The following CWC27 variants were observed in gnomAD, a reference collection of about 807,000 sequenced individuals.
The protein encoded by CWC27 is CWC27 spliceosome associated cyclophilin.
In CWC27, 47 loss-of-function variants were observed where a neutral mutation model predicts 63.6. The observed-to-expected ratio is 0.74, with a 90% CI of 0.58 to 0.94. The LOEUF (loss-of-function observed/expected upper bound fraction) is 0.94, where lower values mean the gene tolerates loss of function less well. CWC27 is among the 40% of genes least tolerant of loss of function. CWC27 has a pLI of 0.00. For synonymous variants in CWC27, 175 were observed against 179.8 expected (o/e 0.97, Z 0.22); for missense variants, 495 against 554.3 (o/e 0.89, Z 1.07).
chr5:64,934,498 A>G (rs998497475), intron 11 of CWC27, among the ~76,000 whole-genome samples: 1 of 152,154 alleles, frequency 6.6e-6, no homozygotes, highest in Non-Finnish European at 1.5e-5. Context: ...TATCCAGTCT[A>G]TCATTGATGA....
At chr5:65,001,048 T>G (rs1749723323) in intron 13 of CWC27, among the ~76,000 whole-genome samples, 1 of 151,928 alleles carries the variant, frequency 6.6e-6, no homozygotes, top group Non-Finnish European at 1.5e-5. Flanking sequence ...CTTGGTTAAA[T>G]TTATTCCTAG....
chr5:64,845,079 C>T (rs1331779175), intron 10 of CWC27: 1 of 454,612 alleles, frequency 2.2e-6, no homozygotes, highest in Non-Finnish European at 4.4e-6. Flanking sequence ...TAGCAGAGCC[C>T]AGCCACTGAT....
chr5:64,943,418 T>C (rs1231807057), intron 11 of CWC27, among the ~76,000 whole-genome samples: 3 of 152,210 alleles, frequency 2.0e-5, no homozygotes, highest in Non-Finnish European at 4.4e-5. Context: ...CAAGGGTAGC[T>C]AAATCTGCCT....
Position 65,007,677 on chromosome 5 carries a change from G to A in CWC27, c.1257-10482G>A, listed in dbSNP as rs137988776. On this transcript the variant is annotated intron_variant, in intron 13 of 13. Coordinates refer to ENST00000381070, the MANE Select transcript of CWC27 (RefSeq NM_005869.4). ...GAGTCTCGCTCTGTCCCCCAGGCTGGAGTGCAGTGGCACAATCTCCCCTCA... is the reference window on the plus strand; with the variant it reads ...GAGTCTCGCTCTGTCCCCCAGGCTGAAGTGCAGTGGCACAATCTCCCCTCA... Among the ~76,000 whole-genome samples, 1,049 of 147,376 alleles carry A rather than the reference G, an allele frequency of 7.1e-3. 5 individuals carry two copies. Among genetic ancestry groups the A allele is most frequent in the Non-Finnish European group, 0.012 (787 of 67,324 alleles).
Position 64,889,423 on chromosome 5 carries a change from TAAATA to T in CWC27, c.1042+3882_1042+3886del, listed in dbSNP as rs769956218. Among the ~76,000 whole-genome samples, 80 of 152,194 alleles carry T rather than the reference TAAATA, an allele frequency of 5.3e-4. 1 individual carries two copies. Among genetic ancestry groups the T allele is most frequent in the Admixed American group, 1.3e-3 (20 of 15,284 alleles). On this transcript the variant is annotated intron_variant, in intron 11 of 13. Coordinates refer to ENST00000381070, the MANE Select transcript of CWC27 (RefSeq NM_005869.4). ...TCAAAATAAAACAACGAAAAGTAAA[TAAATA>T]AAATGGCACATTTTGAGATGAGAAA...
At chr5:64,872,624 G>T (rs1403983546) in intron 10 of CWC27, among the ~76,000 whole-genome samples, 2 of 152,002 alleles carry the variant, frequency 1.3e-5, no homozygotes, top group African/African-American at 4.8e-5. Context: ...TTTACATAAT[G>T]TTGAAAGTGT....
At position 64,979,965 on chromosome 5, in the gene CWC27, T is replaced by TAAA. The variant is rs35301190; in HGVS notation, c.1256+2745_1256+2747dup. 8.9e-5 allele frequency among the ~76,000 whole-genome samples: 10 copies of TAAA among 112,250 alleles called. No individual in the cohort carries two copies. In the South Asian group the frequency reaches 1.4e-3, roughly 16 times the overall value. 73.6% of individuals were successfully genotyped at this position (112,250 alleles called of 152,430 possible). A position where few individuals can be genotyped will look rare whatever the true frequency, so the allele number is the denominator to read the frequency against. ...ATTCAGCAGCATTATACTTTTTATG[T>TAAA]AAAAAAAAAAAAAAAAAAAAGAGAG... On this transcript the variant is annotated intron_variant, in intron 13 of 13. Coordinates refer to ENST00000381070, the MANE Select transcript of CWC27 (RefSeq NM_005869.4).
intron 10 of CWC27, among the ~76,000 whole-genome samples, chr5:64,821,086 A>ATTTTT (rs11388495): frequency 7.5e-6 from 1 of 132,672 alleles, no homozygotes; most frequent in Non-Finnish European, 1.6e-5. Flanking sequence ...AAACAAAGCA[A>ATTTTT]TTTTTTTTTT....
intron 11 of CWC27, among the ~76,000 whole-genome samples, chr5:64,959,506 A>G (rs568320143): frequency 5.3e-5 from 8 of 152,320 alleles, no homozygotes; most frequent in African/African-American, 1.9e-4. Context: ...GAGAGATGGT[A>G]AAACCACAAT....
chr5:64,996,633 TG>T (rs1749637472), intron 13 of CWC27, among the ~76,000 whole-genome samples: 1 of 152,178 alleles, frequency 6.6e-6, no homozygotes, highest in Non-Finnish European at 1.5e-5. Context: ...TTGGTCAAGA[TG>T]TCATAACTAG....
chr5:64,788,700 G>A lies in CWC27; in HGVS notation c.600-251G>A, dbSNP rs534480206. On this transcript the variant is annotated intron_variant, in intron 6 of 13. Coordinates refer to ENST00000381070, the MANE Select transcript of CWC27 (RefSeq NM_005869.4). ...TAAATTTAATGGTAATGCTCAGAAG[G>A]GATTTTTGGTCATTAAAAGTTAGTA... Among the ~76,000 whole-genome samples, 90 of 151,994 alleles carry A rather than the reference G, an allele frequency of 5.9e-4. No homozygotes were observed. The Middle Eastern group carries it at 0.01, about 17-fold the overall frequency.
At chr5:65,004,560 C>G (rs1382056116) in intron 13 of CWC27, among the ~76,000 whole-genome samples, 1 of 135,350 alleles carries the variant, frequency 7.4e-6, no homozygotes, top group Non-Finnish European at 1.6e-5. Flanking sequence ...TATATGATAT[C>G]TATCTCGTTG....
At chr5:64,898,850 T>C (rs1747439591) in intron 11 of CWC27, among the ~76,000 whole-genome samples, 1 of 152,144 alleles carries the variant, frequency 6.6e-6, no homozygotes, top group African/African-American at 2.4e-5. Context: ...GTCTGCATGA[T>C]TCAACCCGAC....
At chr5:64,771,251 C>G (rs1423530) in intron 1 of CWC27, among the ~76,000 whole-genome samples, 1 of 152,016 alleles carries the variant, frequency 6.6e-6, no homozygotes, top group East Asian at 1.9e-4. Flanking sequence ...ATTTGAAGCA[C>G]ATGTAATAAG....
At position 64,769,104 on chromosome 5, in the gene CWC27, C is replaced by T. The variant is rs1164805069; in HGVS notation, c.-43C>T. 3.1e-5 allele frequency: 49 copies of T among 1,593,640 alleles called. No homozygotes were observed. The highest frequency in any genetic ancestry group is 4.0e-5 in the Non-Finnish European group (47 of 1,162,776). Reference sequence around the variant, plus strand: ...GACAGCTTTAGTGGCCGGCCGGCCGCTCTCATCCCCCGTAAGGAGCAGAGT... The same window carrying T: ...GACAGCTTTAGTGGCCGGCCGGCCGTTCTCATCCCCCGTAAGGAGCAGAGT... On this transcript the variant is annotated 5_prime_UTR_variant, in exon 1 of 14. Coordinates refer to ENST00000381070, the MANE Select transcript of CWC27 (RefSeq NM_005869.4).
intron 13 of CWC27, among the ~76,000 whole-genome samples, chr5:65,007,002 GAAAGAAAGA>G (rs1561187224): frequency 4.8e-4 from 71 of 148,160 alleles, no homozygotes; most frequent in African/African-American, 1.6e-3. Flanking sequence ...AAGAAAGAAA[GAAAGAAAGA>G]AAGAAAGAAA....
chr5:64,842,029 A>G (rs530287828), intron 10 of CWC27, among the ~76,000 whole-genome samples: 1 of 152,332 alleles, frequency 6.6e-6, no homozygotes, highest in African/African-American at 2.4e-5. Flanking sequence ...CAAACTGCAG[A>G]CTACAGACCT....
intron 11 of CWC27, among the ~76,000 whole-genome samples, chr5:64,901,857 C>T (rs1400190526): frequency 6.6e-6 from 1 of 151,726 alleles, no homozygotes; most frequent in East Asian, 1.9e-4. Context: ...CTTCTTTTTC[C>T]TTTTGAAGTT....
At chr5:64,905,984 C>T (rs928869582) in intron 11 of CWC27, among the ~76,000 whole-genome samples, 3 of 151,364 alleles carry the variant, frequency 2.0e-5, no homozygotes, top group Admixed American at 6.6e-5. Flanking sequence ...CAGCTTCATC[C>T]ATGTCCCTGC....
Sources: allele counts gnomAD v4.1 joint callset (sites outside exome capture counted in the v4.1 genomes callset), GRCh38; gene constraint gnomAD v4.1.1; transcripts MANE v1.5; gene names NCBI Gene and HGNC (gene_info 2026-07-23, HGNC 2026-07-21).